Variants in DTNA observed in about 807,000 individuals in gnomAD.
The protein encoded by DTNA is dystrophin-related protein 3.
Under a neutral mutation model 100.7 loss-of-function variants are expected in DTNA, and 43 were observed. That is an observed-to-expected ratio of 0.43 (90% CI 0.33 to 0.55). The LOEUF (loss-of-function observed/expected upper bound fraction) is 0.55. Among genes scored for constraint, DTNA ranks in the 20% least tolerant of loss-of-function variants. The probability of loss-of-function intolerance (pLI) is 0.04; values close to 1 mark genes in which losing one functional copy is unlikely to be tolerated. For missense variants in DTNA, 798 were observed against 953.9 expected, an observed-to-expected ratio of 0.84 and a Z score of 2.15; for synonymous variants, 349 against 347.9, an observed-to-expected ratio of 1.00 and a Z score of -0.04.
chr18:34,722,940 A>T (rs1260161798), intron 1 of DTNA, among the ~76,000 whole-genome samples: 1 of 152,196 alleles, frequency 6.6e-6, no homozygotes, highest in Non-Finnish European at 1.5e-5. Flanking sequence ...TCTTTGATTA[A>T]CATTGAGGTT....
intron 1 of DTNA, among the ~76,000 whole-genome samples, chr18:34,738,588 C>G (rs1030283986): frequency 2.0e-5 from 3 of 152,314 alleles, no homozygotes; most frequent in East Asian, 1.9e-4. Flanking sequence ...ACTCCTTTCT[C>G]TTCACCCTGT....
At chr18:34,572,415 A>C (rs1443543025) in intron 1 of DTNA, among the ~76,000 whole-genome samples, 1 of 152,190 alleles carries the variant, frequency 6.6e-6, no homozygotes, top group Admixed American at 6.5e-5. Context: ...AATTTTCCTA[A>C]GTGTTTTACA....
intron 1 of DTNA, among the ~76,000 whole-genome samples, chr18:34,604,527 C>T (rs2052600769): frequency 6.6e-6 from 1 of 152,190 alleles, no homozygotes; most frequent in African/African-American, 2.4e-5. Context: ...GGCTGCTCCT[C>T]TGTAACTCTT....
At chr18:34,535,266 TTTC>T (rs2043579193) in intron 1 of DTNA, among the ~76,000 whole-genome samples, 1 of 152,194 alleles carries the variant, frequency 6.6e-6, no homozygotes, top group South Asian at 2.1e-4. Flanking sequence ...TTTTTTCACG[TTTC>T]TTGGCCAGAT....
intron 1 of DTNA, among the ~76,000 whole-genome samples, chr18:34,535,814 G>A (rs1052426980): frequency 2.6e-5 from 4 of 151,978 alleles, no homozygotes; most frequent in East Asian, 1.9e-4. Flanking sequence ...GAGACATCAG[G>A]CATTTTTTAC....
chr18:34,837,952 AAC>A (rs1253613496), intron 11 of DTNA, 140 bp from the exon 12 acceptor site: 1 of 820,316 alleles, frequency 1.2e-6, no homozygotes, highest in East Asian at 2.7e-5. Context: ...GAAATCTGAA[AAC>A]ATCTTGAACA....
chr18:34,703,615 T>C (rs2081697051), intron 1 of DTNA, among the ~76,000 whole-genome samples: 1 of 152,188 alleles, frequency 6.6e-6, no homozygotes. Flanking sequence ...GCCTCCCAGA[T>C]TGACTCCAGG....
Position 34,772,313 on chromosome 18 carries a change from C to T in DTNA, c.148+6272C>T, listed in dbSNP as rs2093816001. Among the ~76,000 whole-genome samples the T allele has an allele frequency of 2.0e-5, 3 of 152,206 alleles. 1 individual carries two copies. The highest frequency in any genetic ancestry group is 2.0e-4 in the Admixed American group (3 of 15,286). On this transcript the variant is annotated intron_variant, in intron 3 of 22. Transcript: ENST00000444659. ...ATTGAAATATTTTAAAGGTATCCTT[C>T]ATTCAGATATGTTAAGTTAGAACAC...
chr18:34,712,210 A>G (rs901681413), intron 1 of DTNA, among the ~76,000 whole-genome samples: 3 of 152,150 alleles, frequency 2.0e-5, no homozygotes, highest in African/African-American at 7.2e-5. Context: ...AGGTAAAGAT[A>G]AAAGTGTAAA....
intron 1 of DTNA, among the ~76,000 whole-genome samples, chr18:34,682,340 G>A (rs1255387412): frequency 6.6e-6 from 1 of 152,040 alleles, no homozygotes; most frequent in Non-Finnish European, 1.5e-5. Context: ...AAGTAATTGC[G>A]GTTTTGCCAT....
chr18:34,606,923 T>G (rs1031477782), intron 1 of DTNA, among the ~76,000 whole-genome samples: 15 of 152,102 alleles, frequency 9.9e-5, no homozygotes, highest in African/African-American at 3.6e-4. Context: ...TGTAAGGGGT[T>G]TGGTCTCTAT....
chr18:34,743,817 T>C lies in DTNA; in HGVS notation c.-1-12159T>C, dbSNP rs181041348. On this transcript the variant is annotated intron_variant, in intron 1 of 22. Coordinates refer to ENST00000444659, the MANE Select transcript of DTNA (RefSeq NM_001386795.1). ...TTCTTGTACTGACTTTGGAACCCTGTGCTCTTAAGTTTTGCTATTGGTCTT... is the reference window on the plus strand; with the variant it reads ...TTCTTGTACTGACTTTGGAACCCTGCGCTCTTAAGTTTTGCTATTGGTCTT... Among the ~76,000 whole-genome samples the C allele has an allele frequency of 4.5e-3, 679 of 152,296 alleles. 8 individuals carry two copies. The highest frequency in any genetic ancestry group is 6.8e-3 in the Middle Eastern group (2 of 294).
At chr18:34,798,651 A>T (rs188403356) in intron 4 of DTNA, among the ~76,000 whole-genome samples, 382 of 152,350 alleles carry the variant, frequency 2.5e-3, no homozygotes, top group Non-Finnish European at 4.7e-3. Flanking sequence ...ATATATACTC[A>T]GTCACTCAAA....
intron 1 of DTNA, among the ~76,000 whole-genome samples, chr18:34,669,617 G>T (rs1358475046): frequency 6.6e-6 from 1 of 152,150 alleles, no homozygotes; most frequent in African/African-American, 2.4e-5. Flanking sequence ...TGTAGGGCAG[G>T]CCTGGTGGTG....
At chr18:34,709,093 C>A (rs986732496), upstream of DTNA, among the ~76,000 whole-genome samples, 1 of 151,650 alleles carries the variant, frequency 6.6e-6, no homozygotes, top group African/African-American at 2.4e-5. Context: ...TTAACCACAG[C>A]AAGCCATGCT....
At chr18:34,506,704 G>T (rs1170781598) in intron 1 of DTNA, among the ~76,000 whole-genome samples, 3 of 152,110 alleles carry the variant, frequency 2.0e-5, no homozygotes, top group Non-Finnish European at 4.4e-5. Flanking sequence ...CCAAGAATTG[G>T]ATATGTGAGG....
rs369005625 is a variant in DTNA, at chr18:34,825,263, A to G, written c.1002-2330A>G. On this transcript the variant is annotated intron_variant, in intron 9 of 22. Transcript: ENST00000444659. ...TATTCTGTTCAATTCTTCGCTGCCA[A>G]AAGTGATACTTGGTAAGTAGTGCAG... The G allele has an allele frequency of 5.0e-5, 80 of 1,613,450 alleles. 1 individual carries two copies. The East Asian group carries it at 1.7e-3, about 34-fold the overall frequency.
In DTNA at chr18:34,888,531, T is replaced by A. The variant is rs2096942193; in HGVS notation, c.*797T>A. 4.1e-6 allele frequency: 4 copies of A among 985,596 alleles called. No homozygotes were observed. The highest frequency in any genetic ancestry group is 1.7e-5 in the African/African-American group (1 of 57,242). The allele number at this position is 985,596 out of a possible 1,614,324, so 61.1% of individuals were successfully genotyped here. ...AGCCATAGAATTTAGTGTAAATATT[T>A]TTTTTTCCAAATAGATATCATATTC... On this transcript the variant is annotated 3_prime_UTR_variant, in exon 23 of 23. Coordinates refer to ENST00000444659, the MANE Select transcript of DTNA (RefSeq NM_001386795.1).
intron 1 of DTNA, among the ~76,000 whole-genome samples, chr18:34,501,489 ATGTGT>A (rs2039918702): frequency 6.6e-6 from 1 of 152,122 alleles, no homozygotes; most frequent in Non-Finnish European, 1.5e-5. Flanking sequence ...ATGAATAGGG[ATGTGT>A]TCCCTCTTCT....
Sources: allele counts gnomAD v4.1 joint callset (sites outside exome capture counted in the v4.1 genomes callset), GRCh38; gene constraint gnomAD v4.1.1; transcripts MANE v1.5; gene names NCBI Gene and HGNC (gene_info 2026-07-23, HGNC 2026-07-21).